The following INTS13 variants were observed in gnomAD, a reference collection of about 807,000 sequenced individuals.
The protein encoded by INTS13 is asunder, spermatogenesis regulator homolog (Drosphila).
INTS13 carries 35 observed loss-of-function variants against 90.2 expected under a neutral mutation model. The observed-to-expected ratio is 0.39, with a 90% CI of 0.30 to 0.51. The LOEUF (loss-of-function observed/expected upper bound fraction) is 0.51, where lower values mean the gene tolerates loss of function less well. Among genes scored for constraint, INTS13 ranks in the 20% least tolerant of loss-of-function variants. The pLI, the probability that INTS13 is intolerant of heterozygous loss-of-function variation, is 0.80. For synonymous variants in INTS13, 309 were observed against 277.1 expected, an observed-to-expected ratio of 1.11 and a Z score of -1.14; for missense variants, 601 against 851.2, an observed-to-expected ratio of 0.71 and a Z score of 3.66.
In INTS13 at chr12:26,914,478, T is replaced by C. The variant is rs768886878; in HGVS notation, c.1349A>G (p.Asp450Gly). 1 of 1,614,010 alleles carries C rather than the reference T, an allele frequency of 6.2e-7. No homozygotes were observed. Among genetic ancestry groups the C allele is most frequent in the African/African-American group, 1.3e-5 (1 of 75,048 alleles). ...SLEVPLERAKDQLEKHTRYWP... is the reference protein window; with the variant it reads ...SLEVPLERAKGQLEKHTRYWP... ...GTAACGGGTATGTTTTTCTAACTGA[T>C]CTTTTGCTCGTTCCAAAGGGACCTC... Residue 450 changes from aspartate to glycine, a missense_variant, in exon 12 of 17, where the codon GAT becomes GGT. By Grantham distance (94) the Asp-to-Gly change is moderately conservative. Around this residue, in one of 3 missense-constraint regions of INTS13, gnomAD observed 89 missense variants for 191.0 expected, o/e 0.47. Coordinates refer to ENST00000261191, the MANE Select transcript of INTS13 (RefSeq NM_018164.3).
At chr12:26,937,538 C>G (rs1363913645) in intron 1 of INTS13, 1 of 152,204 alleles carries the variant, frequency 6.6e-6, no homozygotes, top group Non-Finnish European at 1.5e-5. Flanking sequence ...ACGGTACTCC[C>G]CTGCTTCGCT....
At position 26,911,314 on chromosome 12, in the gene INTS13, T is replaced by A; in HGVS notation, c.1809A>T (p.Leu603Phe). 6.2e-7 allele frequency: 1 copy of A among 1,607,410 alleles called. No individual in the cohort carries two copies. Among genetic ancestry groups the A allele is most frequent in the Non-Finnish European group, 8.5e-7 (1 of 1,178,016 alleles). The change falls in exon 15 of 17, where the codon TTA becomes TTT. Residue 603 changes from leucine to phenylalanine, a missense_variant. By Grantham distance (22) the Leu-to-Phe change is conservative. Coordinates refer to ENST00000261191, the MANE Select transcript of INTS13 (RefSeq NM_018164.3). ...QEKSWQDSER[L>F]KGILERGKEE... is the part of the protein sequence containing the mutation. ...CTTTTCCACGCTCTAAGATTCCTTT[T>A]AATCTTTTAGAGGGACAAATAATGA...
At chr12:26,920,399 G>A (rs1952076260) in intron 8 of INTS13, among the ~76,000 whole-genome samples, 1 of 129,382 alleles carries the variant, frequency 7.7e-6, no homozygotes, top group Middle Eastern at 4.2e-3. Flanking sequence ...GGATATTTTT[G>A]ACACTTTTTT....
chr12:26,934,196 A>C (rs1307003030), intron 3 of INTS13, among the ~76,000 whole-genome samples: 2 of 152,144 alleles, frequency 1.3e-5, no homozygotes, highest in Non-Finnish European at 2.9e-5. Flanking sequence ...AATCTATTGA[A>C]CCTGGGAGAG....
intron 4 of INTS13, 75 bp downstream of exon 4, chr12:26,928,628 C>T (rs569877073): frequency 7.0e-7 from 1 of 1,429,832 alleles, no homozygotes; most frequent in South Asian, 1.2e-5. Flanking sequence ...AACATGCTGT[C>T]TCTACTATTC....
At chr12:26,923,880 C>T (rs578245905) in intron 7 of INTS13, among the ~76,000 whole-genome samples, 5 of 152,160 alleles carry the variant, frequency 3.3e-5, no homozygotes, top group African/African-American at 1.2e-4. Context: ...AATAACACAG[C>T]TGTCAAGAAA....
chr12:26,916,116 A>G lies in INTS13; in HGVS notation c.1134T>C (p.Ser378=). The G allele has an allele frequency of 6.2e-7, 1 of 1,613,938 alleles. No individual in the cohort carries two copies. The highest frequency in any genetic ancestry group is 1.3e-5 in the African/African-American group (1 of 75,052). Residue 378 remains serine (S), a synonymous_variant, in exon 11 of 17, where the codon AGT becomes AGC. Transcript: ENST00000261191. ...SGSKVISHML[S]SHGGEIFLHV... ...GCAAAAAAATCTCTCCTCCATGGCTACTAAGCATATGACTAATGACTTTAG... is the reference window on the plus strand; with the variant it reads ...GCAAAAAAATCTCTCCTCCATGGCTGCTAAGCATATGACTAATGACTTTAG...
intron 5 of INTS13, among the ~76,000 whole-genome samples, chr12:26,927,626 T>A (rs890418739): frequency 3.9e-5 from 6 of 151,992 alleles, no homozygotes; most frequent in East Asian, 1.9e-4. Context: ...TTAAATTAAA[T>A]TTTTTTTGAG....
At chr12:26,914,728 T>TC in intron 11 of INTS13, 150 bp from the exon 12 acceptor site, 1 of 554,806 alleles carries the variant, frequency 1.8e-6, no homozygotes, top group East Asian at 3.0e-5. Flanking sequence ...CACTACTTTT[T>TC]TATCCTTTCT....
chr12:26,923,794 CCTTTATA>C (rs1169238882), intron 7 of INTS13, among the ~76,000 whole-genome samples: 6 of 152,108 alleles, frequency 3.9e-5, no homozygotes, highest in Admixed American at 3.9e-4. Flanking sequence ...GCTATAAACA[CCTTTATA>C]CTGGGTGGGC....
At chr12:26,928,121 C>G in intron 5 of INTS13, 84 bp downstream of exon 5, 1 of 967,910 alleles carries the variant, frequency 1.0e-6, no homozygotes, top group East Asian at 2.7e-5. Flanking sequence ...TTCAGGGAAA[C>G]GCTACCAGTC....
At chr12:26,906,200 T>A in intron 16 of INTS13, 102 bp downstream of exon 16, 1 of 1,124,546 alleles carries the variant, frequency 8.9e-7, no homozygotes, top group South Asian at 1.7e-5. Context: ...TAGTTCATAA[T>A]ATTAGTAATA....
At chr12:26,921,941 C>G (rs1952130507) in intron 8 of INTS13, among the ~76,000 whole-genome samples, 1 of 152,226 alleles carries the variant, frequency 6.6e-6, no homozygotes, top group African/African-American at 2.4e-5. Flanking sequence ...CTGGTGTGAG[C>G]CACTACCCCC....
At chr12:26,925,628 G>C in intron 6 of INTS13, 133 bp downstream of exon 6, 1 of 694,042 alleles carries the variant, frequency 1.4e-6, no homozygotes, top group Non-Finnish European at 2.3e-6. Context: ...TCTTGACATA[G>C]AGGTTTACTT....
chr12:26,916,316 T>C (rs1209335671), intron 10 of INTS13, 136 bp from the exon 11 acceptor site: 2 of 782,248 alleles, frequency 2.6e-6, no homozygotes, highest in Non-Finnish European at 3.9e-6. Flanking sequence ...ATTTAGTGTA[T>C]CTACTCTTCC....
intron 3 of INTS13, among the ~76,000 whole-genome samples, chr12:26,934,206 G>A (rs1938341200): frequency 6.6e-6 from 1 of 152,188 alleles, no homozygotes; most frequent in Non-Finnish European, 1.5e-5. Flanking sequence ...ACCTGGGAGA[G>A]GTTGCAGTGA....
intron 3 of INTS13, among the ~76,000 whole-genome samples, chr12:26,930,037 T>G (rs906323957): frequency 2.6e-5 from 4 of 152,150 alleles, no homozygotes; most frequent in Admixed American, 2.6e-4. Context: ...TACAATAATC[T>G]GAAGACTAAA....
At chr12:26,919,054 T>C in intron 8 of INTS13, 1 of 396,166 alleles carries the variant, frequency 2.5e-6, no homozygotes, top group Non-Finnish European at 5.2e-6. Context: ...CAGTCCCAGC[T>C]ACTCCGGAGG....
At chr12:26,907,847 G>A (rs541177760) in intron 15 of INTS13, among the ~76,000 whole-genome samples, 1 of 152,236 alleles carries the variant, frequency 6.6e-6, no homozygotes, top group African/African-American at 2.4e-5. Context: ...TTAATCATGA[G>A]AGAAATGTAA....
Sources: gnomAD v4.1 joint callset for allele counts (sites outside exome capture counted in the v4.1 genomes callset) on GRCh38, gnomAD v4.1.1 for gene constraint, gnomAD v4.1.1 regional missense constraint, MANE v1.5 for transcripts, NCBI Gene and HGNC (gene_info 2026-07-23, HGNC 2026-07-21) for gene names.